Variants in OR9Q1 observed in about 807,000 individuals in gnomAD.
The protein encoded by OR9Q1 is olfactory receptor family 9 subfamily Q member 1.
For missense variants in OR9Q1, 374 were observed against 378.8 expected (o/e 0.99, Z 0.11); for synonymous variants, 153 against 148.6 (o/e 1.03, Z -0.22).
At chr11:58,175,105 C>CA (rs57623932) in intron 2 of OR9Q1, among the ~76,000 whole-genome samples, 58,010 of 69,446 alleles carry the variant, frequency 0.84, 24,783 homozygotes, top group South Asian at 0.93. Context: ...GACTCTGTCT[C>CA]AAAAAAAAAA....
At chr11:58,138,462 T>A (rs1221508628) in intron 2 of OR9Q1, among the ~76,000 whole-genome samples, 1 of 152,212 alleles carries the variant, frequency 6.6e-6, no homozygotes, top group African/African-American at 2.4e-5. Flanking sequence ...AAACCTAGTG[T>A]TTGAAAGATA....
In OR9Q1 at chr11:58,058,351, G is replaced by A. The variant is rs189172960; in HGVS notation, c.-15+2404G>A. Reference sequence around the variant, plus strand: ...TGCCAAGCCCCTTCTCTGGCACTTTGGATGGAAGCCCCTAATCCAGACCAC... The same window carrying A: ...TGCCAAGCCCCTTCTCTGGCACTTTAGATGGAAGCCCCTAATCCAGACCAC... On this transcript the variant is annotated intron_variant, in intron 2 of 2. Transcript: ENST00000335397. Among the ~76,000 whole-genome samples the A allele has an allele frequency of 9.8e-4, 149 of 152,172 alleles. 1 individual carries two copies. The highest frequency in any genetic ancestry group is 3.5e-3 in the African/African-American group (143 of 41,438).
intron 2 of OR9Q1, among the ~76,000 whole-genome samples, chr11:58,108,252 C>T (rs1323035268): frequency 1.3e-5 from 2 of 152,038 alleles, no homozygotes; most frequent in African/African-American, 4.8e-5. Context: ...GTTATCCATA[C>T]CACAAAAAAC....
intron 2 of OR9Q1, chr11:58,119,378 AT>A: frequency 6.2e-7 from 1 of 1,613,942 alleles, no homozygotes; most frequent in Non-Finnish European, 8.5e-7. Context: ...GGAATCTCCA[AT>A]TTGGGGTGGT....
At chr11:58,163,716 T>C (rs1159429775) in intron 2 of OR9Q1, among the ~76,000 whole-genome samples, 2 of 152,170 alleles carry the variant, frequency 1.3e-5, no homozygotes, top group Admixed American at 6.5e-5. Context: ...CCTAGGTGGA[T>C]CAGTTTCCAT....
chr11:58,060,674 C>G (rs1590564493), intron 2 of OR9Q1, among the ~76,000 whole-genome samples: 1 of 152,284 alleles, frequency 6.6e-6, no homozygotes. Flanking sequence ...CCTGTCTCTG[C>G]TAAAAGTACA....
intron 2 of OR9Q1, among the ~76,000 whole-genome samples, chr11:58,080,932 A>G (rs1200458087): frequency 6.6e-6 from 1 of 152,004 alleles, no homozygotes; most frequent in Admixed American, 6.6e-5. Context: ...CTTGTCATTT[A>G]CATTAGGTAT....
rs546807905 is a variant in OR9Q1, at chr11:58,061,678, G to A, written c.-15+5731G>A. On this transcript the variant is annotated intron_variant, in intron 2 of 2. Transcript: ENST00000335397. Reference sequence around the variant, plus strand: ...TGAGGTGGGTCCTTTGATTTTTAGGGACTCTGGGGTTTTGGAAAACCAGAG... The same window carrying A: ...TGAGGTGGGTCCTTTGATTTTTAGGAACTCTGGGGTTTTGGAAAACCAGAG... Among the ~76,000 whole-genome samples the A allele has an allele frequency of 2.5e-3, 374 of 152,290 alleles. 1 individual carries two copies. Among genetic ancestry groups the A allele is most frequent in the Non-Finnish European group, 4.1e-3 (280 of 68,030 alleles).
At chr11:58,043,492 G>C (rs1554964956) in intron 1 of OR9Q1, among the ~76,000 whole-genome samples, 1 of 152,152 alleles carries the variant, frequency 6.6e-6, no homozygotes, top group Non-Finnish European at 1.5e-5. Flanking sequence ...ATAGAATAGA[G>C]TCCATGCTCC....
chr11:58,092,112 T>C (rs957090610), intron 2 of OR9Q1, among the ~76,000 whole-genome samples: 29 of 152,186 alleles, frequency 1.9e-4, no homozygotes, highest in African/African-American at 7.0e-4. Flanking sequence ...TGCCAGTCTG[T>C]GTCTCTTAAT....
chr11:58,151,117 C>T (rs1486363228), intron 2 of OR9Q1, among the ~76,000 whole-genome samples: 2 of 152,156 alleles, frequency 1.3e-5, no homozygotes, highest in Non-Finnish European at 2.9e-5. Context: ...AAGGACCCAA[C>T]TTTATTCTTT....
At chr11:58,109,577 G>A (rs528548485) in intron 2 of OR9Q1, 1 of 457,422 alleles carries the variant, frequency 2.2e-6, no homozygotes, top group Non-Finnish European at 4.4e-6. Flanking sequence ...AGAAACACTA[G>A]GAAGAGTGGA....
intron 2 of OR9Q1, among the ~76,000 whole-genome samples, chr11:58,062,089 C>G (rs1315491634): frequency 6.6e-6 from 1 of 152,194 alleles, no homozygotes; most frequent in South Asian, 2.1e-4. Context: ...AGACCAGACA[C>G]CACTTACTAA....
intron 2 of OR9Q1, among the ~76,000 whole-genome samples, chr11:58,085,869 C>T (rs1445686888): frequency 6.6e-6 from 1 of 151,730 alleles, no homozygotes; most frequent in Non-Finnish European, 1.5e-5. Flanking sequence ...CACCCATCCA[C>T]AGGCAAAAGT....
chr11:58,039,526 T>C (rs1853139301), intron 1 of OR9Q1, among the ~76,000 whole-genome samples: 1 of 152,224 alleles, frequency 6.6e-6, no homozygotes, highest in African/African-American at 2.4e-5. Context: ...ATTTAATCAG[T>C]TGATGCCCAG....
At chr11:58,070,176 A>AT (rs535759379) in intron 2 of OR9Q1, among the ~76,000 whole-genome samples, 114 of 136,870 alleles carry the variant, frequency 8.3e-4, no homozygotes, top group Non-Finnish European at 7.6e-4. Flanking sequence ...TAATTTTTGT[A>AT]TTTTTTTTTT....
intron 2 of OR9Q1, among the ~76,000 whole-genome samples, chr11:58,112,433 C>G (rs932437876): frequency 6.6e-5 from 10 of 152,192 alleles, no homozygotes; most frequent in African/African-American, 2.4e-4. Flanking sequence ...AGCTATGTCT[C>G]ACTACCTATT....
At chr11:58,075,699 C>G (rs538528456) in intron 2 of OR9Q1, among the ~76,000 whole-genome samples, 2 of 152,316 alleles carry the variant, frequency 1.3e-5, no homozygotes, top group East Asian at 3.9e-4. Context: ...TCCTAGACTT[C>G]AGAACTATTA....
rs139300657 is a variant in OR9Q1 at position 58,118,969 on chromosome 11, C to T, written c.-14-60462C>T. 531 of 1,613,822 alleles carry T rather than the reference C, an allele frequency of 3.3e-4. No homozygotes were observed. Among genetic ancestry groups the T allele is most frequent in the Middle Eastern group, 1.7e-3 (10 of 6,060 alleles). On this transcript the variant is annotated intron_variant, in intron 2 of 2. Coordinates refer to ENST00000335397, the MANE Select transcript of OR9Q1 (RefSeq NM_001005212.4). Reference sequence around the variant, plus strand: ...GGAGAGGGTGAAGGTGCAAGTGGTACGCAGGATGGCTCCTGACACCCCACA... The same window carrying T: ...GGAGAGGGTGAAGGTGCAAGTGGTATGCAGGATGGCTCCTGACACCCCACA...
Sources: allele counts gnomAD v4.1 joint callset (sites outside exome capture counted in the v4.1 genomes callset), GRCh38; gene constraint gnomAD v4.1.1; transcripts MANE v1.5; gene names NCBI Gene and HGNC (gene_info 2026-07-23, HGNC 2026-07-21).